Variants in CNOT10 observed in about 807,000 individuals in gnomAD.
CNOT10 encodes CCR4-NOT transcription complex subunit 10, also known as CCR4-NOT transcription complex, subunit 10.
Under a neutral mutation model 94.6 loss-of-function variants are expected in CNOT10, and 30 were observed. The observed-to-expected ratio is 0.32, with a 90% CI of 0.24 to 0.43. CNOT10 has a LOEUF of 0.43. Among genes scored for constraint, CNOT10 ranks in the 20% least tolerant of loss-of-function variants. The pLI, the probability that CNOT10 is intolerant of heterozygous loss-of-function variation, is 1.00. For synonymous variants in CNOT10, 289 were observed against 301.6 expected, an observed-to-expected ratio of 0.96 and a Z score of 0.43; for missense variants, 759 against 877.2, an observed-to-expected ratio of 0.87 and a Z score of 1.70.
intron 12 of CNOT10, among the ~76,000 whole-genome samples, chr3:32,736,999 T>TA (rs1312212611): frequency 3.3e-5 from 5 of 152,148 alleles, no homozygotes; most frequent in Non-Finnish European, 7.4e-5. Context: ...GTTTAACTCT[T>TA]TTACACTTTT....
intron 13 of CNOT10, among the ~76,000 whole-genome samples, chr3:32,756,148 G>T (rs1184872837): frequency 6.6e-6 from 1 of 152,040 alleles, no homozygotes; most frequent in Non-Finnish European, 1.5e-5. Context: ...GTGATGAGAG[G>T]TGAGTTGGGA....
At chr3:32,751,394 C>T (rs781585074) in intron 13 of CNOT10, among the ~76,000 whole-genome samples, 15 of 152,290 alleles carry the variant, frequency 9.8e-5, no homozygotes, top group Non-Finnish European at 2.1e-4. Flanking sequence ...GCGTGAGCTA[C>T]AGCACCTGGC....
intron 13 of CNOT10, among the ~76,000 whole-genome samples, chr3:32,757,168 TA>T (rs1700256909): frequency 9.4e-6 from 1 of 106,268 alleles, no homozygotes; most frequent in African/African-American, 3.5e-5. Flanking sequence ...GGCCCTGAAC[TA>T]ATTTTTTTTT....
Position 32,737,041 on chromosome 3 carries a change from G to A in CNOT10, c.1515-369G>A, listed in dbSNP as rs770741369. Among the ~76,000 whole-genome samples, 18 of 152,154 alleles carry A rather than the reference G, an allele frequency of 1.2e-4. 1 individual carries two copies. Among genetic ancestry groups the A allele is most frequent in the Non-Finnish European group, 2.5e-4 (17 of 68,030 alleles). ...AAAAGTTACATGGGAGGCCGGGCGA[G>A]GTGAGACACCTCTGTAAATCCTAGC... is the stretch of plus-strand genomic sequence containing the variant. On this transcript the variant is annotated intron_variant, in intron 12 of 18. Coordinates refer to ENST00000328834, the MANE Select transcript of CNOT10 (RefSeq NM_015442.3).
At chr3:32,714,479 C>T (rs943803212) in intron 5 of CNOT10, among the ~76,000 whole-genome samples, 4 of 151,608 alleles carry the variant, frequency 2.6e-5, no homozygotes, top group Non-Finnish European at 5.9e-5. Flanking sequence ...GAGTCCAAGG[C>T]GGGTGGATCA....
intron 13 of CNOT10, among the ~76,000 whole-genome samples, chr3:32,754,489 A>AAAAAAATATATAT (rs77878221): frequency 1.7e-4 from 12 of 70,218 alleles, no homozygotes; most frequent in Non-Finnish European, 2.7e-4. Context: ...AAAAAAAAAA[A>AAAAAAATATATAT]ATACATATAT....
chr3:32,707,024 A>G (rs905222526), intron 3 of CNOT10, among the ~76,000 whole-genome samples: 7 of 152,248 alleles, frequency 4.6e-5, no homozygotes, highest in Non-Finnish European at 7.3e-5. Flanking sequence ...TAGTCAAACC[A>G]AGGCTGTTAA....
intron 12 of CNOT10, among the ~76,000 whole-genome samples, chr3:32,737,124 G>A (rs1234015000): frequency 1.3e-5 from 2 of 152,242 alleles, no homozygotes; most frequent in South Asian, 2.1e-4. Context: ...GACCAGCCTT[G>A]CTAACATGGT....
intron 13 of CNOT10, among the ~76,000 whole-genome samples, chr3:32,746,960 A>C (rs115785578): frequency 1.3e-5 from 2 of 151,366 alleles, no homozygotes; most frequent in Non-Finnish European, 2.9e-5. Flanking sequence ...ATAGATGAAT[A>C]TAGCTGTAAA....
Position 32,737,413 on chromosome 3 carries a change from T to C in CNOT10, c.1518T>C (p.Ser506=). The change falls in exon 13 of 19, where the codon AGT becomes AGC. Residue 506 remains serine (S), a synonymous_variant. Coordinates refer to ENST00000328834, the MANE Select transcript of CNOT10 (RefSeq NM_015442.3). ...AAGACTCTTACCTCTATTTTAGCAG[T>C]AAAAGCCATGATGGAGATAAATTCA... ...ESSESSETCS[S]KSHDGDKFIP... is the part of the protein sequence containing the mutation. 2 of 1,600,484 alleles carry C rather than the reference T, an allele frequency of 1.2e-6. No homozygotes were observed. Among genetic ancestry groups the C allele is most frequent in the South Asian group, 2.2e-5 (2 of 90,296 alleles).
intron 3 of CNOT10, among the ~76,000 whole-genome samples, chr3:32,706,967 A>G (rs1327943514): frequency 1.3e-5 from 2 of 152,246 alleles, no homozygotes; most frequent in Admixed American, 1.3e-4. Flanking sequence ...TCCAGTTACA[A>G]AATTTACAAT....
At chr3:32,722,458 C>T (rs113723426) in intron 8 of CNOT10, among the ~76,000 whole-genome samples, 3,352 of 152,302 alleles carry the variant, frequency 0.022, 50 homozygotes, top group East Asian at 0.048. Flanking sequence ...AGATAATATA[C>T]TTTGAGAAAA....
intron 14 of CNOT10, among the ~76,000 whole-genome samples, chr3:32,761,779 C>T (rs1046211131): frequency 6.0e-5 from 9 of 149,056 alleles, no homozygotes; most frequent in Non-Finnish European, 1.2e-4. Flanking sequence ...CATGAGCCAC[C>T]GCACCTGGCT....
At chr3:32,741,347 A>G (rs1338088960) in intron 13 of CNOT10, among the ~76,000 whole-genome samples, 2 of 137,154 alleles carry the variant, frequency 1.5e-5, no homozygotes, top group Non-Finnish European at 3.2e-5. Flanking sequence ...ATTCCATTCC[A>G]GTTTGGGGCT....
rs1204343021 is a variant in CNOT10, at chr3:32,708,650, C to T, written c.280-20C>T. The T allele has an allele frequency of 2.5e-6, 4 of 1,588,378 alleles. No individual in the cohort carries two copies. Among genetic ancestry groups the T allele is most frequent in the South Asian group, 1.2e-5 (1 of 86,588 alleles). ...TATTTCCTTAATGTTAAAATATAAC[C>T]TCTGTTGATTGCTTTATAGGTCCAC... On this transcript the variant is annotated intron_variant, in intron 3 of 18. Coordinates refer to ENST00000328834, the MANE Select transcript of CNOT10 (RefSeq NM_015442.3).
Position 32,772,553 on chromosome 3 carries a change from T to G in CNOT10, c.2081-904T>G, listed in dbSNP as rs1700959885. ...AAAAAATAAAAAATTTTAAAAAGGC[T>G]GGGCACAGTAGCTCATGCCCGTAAT... On this transcript the variant is annotated intron_variant, in intron 18 of 18. Transcript: ENST00000328834. Among the ~76,000 whole-genome samples the G allele has an allele frequency of 4.6e-5, 7 of 151,716 alleles. No homozygotes were observed. The South Asian group carries it at 1.5e-3, about 32-fold the overall frequency.
chr3:32,688,551 C>T (rs960381481), intron 1 of CNOT10, among the ~76,000 whole-genome samples: 20 of 151,772 alleles, frequency 1.3e-4, no homozygotes, highest in African/African-American at 4.4e-4. Context: ...AACCCGAGAT[C>T]GCACCACTGC....
intron 3 of CNOT10, among the ~76,000 whole-genome samples, chr3:32,705,445 T>G (rs1166947571): frequency 6.6e-6 from 1 of 152,130 alleles, no homozygotes; most frequent in African/African-American, 2.4e-5. Flanking sequence ...GCTAGACTTT[T>G]GGTGTTCAAG....
Position 32,743,113 on chromosome 3 carries a change from G to A in CNOT10, c.1595+5623G>A, listed in dbSNP as rs137950303. Among the ~76,000 whole-genome samples, 1,095 of 151,064 alleles carry A rather than the reference G, an allele frequency of 7.2e-3. 5 individuals carry two copies. Among genetic ancestry groups the A allele is most frequent in the Non-Finnish European group, 0.012 (846 of 67,898 alleles). ...CAGTTCTCCTGCCTCAGCCTCCCAA[G>A]TAGCTGGAATTACAGGCATACGCCA... On this transcript the variant is annotated intron_variant, in intron 13 of 18. Transcript: ENST00000328834.
Sources: allele counts gnomAD v4.1 joint callset (sites outside exome capture counted in the v4.1 genomes callset), GRCh38; gene constraint gnomAD v4.1.1; transcripts MANE v1.5; gene names NCBI Gene and HGNC (gene_info 2026-07-23, HGNC 2026-07-21).